SGCZ: variants seen among roughly 807,000 people sequenced by gnomAD.
The protein encoded by SGCZ is sarcoglycan zeta.
Under a neutral mutation model 41.3 loss-of-function variants are expected in SGCZ, and 40 were observed. That is an observed-to-expected ratio of 0.97 (90% CI 0.75 to 1.26). The LOEUF is 1.26. Ranked by LOEUF, SGCZ falls within the 50% of genes most tolerant of loss-of-function variation. SGCZ has a pLI of 0.00. For missense variants in SGCZ, 552 were observed against 369.8 expected (o/e 1.49, Z -4.04); for synonymous variants, 206 against 137.5 (o/e 1.50, Z -3.49).
intron 1 of SGCZ, among the ~76,000 whole-genome samples, chr8:15,188,591 A>G (rs1484983191): frequency 1.3e-5 from 2 of 152,288 alleles, no homozygotes. Context: ...TACTAAAAAC[A>G]TTTACCAAGT....
At chr8:14,168,217 A>T (rs1804266582) in intron 4 of SGCZ, among the ~76,000 whole-genome samples, 1 of 152,186 alleles carries the variant, frequency 6.6e-6, no homozygotes, top group African/African-American at 2.4e-5. Context: ...TTACCAACTA[A>T]ATTCTATATT....
At chr8:14,395,818 A>T (rs577050585) in intron 2 of SGCZ, among the ~76,000 whole-genome samples, 1 of 152,210 alleles carries the variant, frequency 6.6e-6, no homozygotes, top group South Asian at 2.1e-4. Context: ...GTTATCTGGC[A>T]CATAATGCCT....
intron 1 of SGCZ, among the ~76,000 whole-genome samples, chr8:15,157,747 T>C (rs115945956): frequency 0.012 from 1,883 of 152,280 alleles, 33 homozygotes; most frequent in African/African-American, 0.041. Context: ...TACTAGATCA[T>C]TGTGGACCTA....
intron 1 of SGCZ, among the ~76,000 whole-genome samples, chr8:14,737,578 T>C (rs1229859347): frequency 6.6e-6 from 1 of 152,110 alleles, no homozygotes; most frequent in Non-Finnish European, 1.5e-5. Context: ...TATTTTCTCA[T>C]AATTCTAGAG....
intron 1 of SGCZ, among the ~76,000 whole-genome samples, chr8:15,185,952 C>A (rs1328899355): frequency 2.0e-5 from 3 of 151,144 alleles, no homozygotes; most frequent in East Asian, 3.9e-4. Context: ...CGGCTGGGCG[C>A]GGTGGCTCAC....
intron 1 of SGCZ, among the ~76,000 whole-genome samples, chr8:14,987,949 C>T (rs1356414207): frequency 6.6e-6 from 1 of 151,868 alleles, no homozygotes; most frequent in Non-Finnish European, 1.5e-5. Context: ...TCAAGTAATT[C>T]ACAAGTAAAA....
chr8:15,114,451 C>T (rs1227639553), intron 1 of SGCZ, among the ~76,000 whole-genome samples: 1 of 152,156 alleles, frequency 6.6e-6, no homozygotes, highest in African/African-American at 2.4e-5. Flanking sequence ...AAGGCATTCT[C>T]TCTTTACAAA....
rs566079490 is a variant in SGCZ at position 14,466,256 on chromosome 8, C to T, written c.234+88476G>A. Among the ~76,000 whole-genome samples the T allele has an allele frequency of 3.9e-5, 6 of 151,984 alleles. No homozygotes were observed. In the South Asian group the frequency reaches 1.2e-3, roughly 32 times the overall value. ...TGTTGGATAAAGGATTCTTGGTTGC[C>T]AGTTTTTTTGTTTGTTTGCTACTTT... On this transcript the variant is annotated intron_variant, in intron 2 of 7. Transcript: ENST00000382080.
At chr8:15,137,334 C>T (rs1212771556) in intron 1 of SGCZ, among the ~76,000 whole-genome samples, 2 of 152,078 alleles carry the variant, frequency 1.3e-5, no homozygotes, top group Non-Finnish European at 2.9e-5. Context: ...CCTGACAATG[C>T]AATAAAAAAG....
At chr8:15,211,026 TACATATATAGATATAG>T (rs1397022668) in intron 1 of SGCZ, among the ~76,000 whole-genome samples, 2 of 102,772 alleles carry the variant, frequency 1.9e-5, no homozygotes, top group Non-Finnish European at 4.3e-5. Context: ...TATAGATATA[TACATATATAGATATAG>T]ATATAGATAG....
intron 1 of SGCZ, among the ~76,000 whole-genome samples, chr8:14,710,988 C>A (rs187487307): frequency 9.8e-5 from 15 of 152,286 alleles, no homozygotes; most frequent in African/African-American, 3.6e-4. Context: ...GATATCTTCA[C>A]TAGCATTGTT....
intron 1 of SGCZ, among the ~76,000 whole-genome samples, chr8:15,042,306 T>G (rs1286338455): frequency 6.6e-6 from 1 of 152,140 alleles, no homozygotes; most frequent in African/African-American, 2.4e-5. Context: ...CTGATGCCTC[T>G]CTTCTGGGCT....
chr8:14,365,162 CT>C (rs1659421780), intron 2 of SGCZ, among the ~76,000 whole-genome samples: 3 of 151,886 alleles, frequency 2.0e-5, no homozygotes, highest in Admixed American at 1.3e-4. Context: ...GGGTACATCC[CT>C]TTTTGATTTT....
chr8:14,280,536 C>T (rs925856840), intron 3 of SGCZ, among the ~76,000 whole-genome samples: 2 of 151,734 alleles, frequency 1.3e-5, no homozygotes, highest in African/African-American at 2.4e-5. Context: ...GAAGATATTA[C>T]TTTGACTTTG....
intron 1 of SGCZ, among the ~76,000 whole-genome samples, chr8:15,066,122 C>A (rs1312206898): frequency 6.6e-6 from 1 of 151,746 alleles, no homozygotes; most frequent in Admixed American, 6.6e-5. Flanking sequence ...TCCTGGCTAA[C>A]AAGGTGAAAC....
At chr8:14,756,161 T>C (rs1473362839) in intron 1 of SGCZ, among the ~76,000 whole-genome samples, 3 of 151,358 alleles carry the variant, frequency 2.0e-5, no homozygotes, top group African/African-American at 7.3e-5. Flanking sequence ...AGGACTCAAT[T>C]AGGAATATTT....
rs572737643 is a variant in SGCZ, at chr8:14,194,723, G to C, written c.425-30021C>G. Among the ~76,000 whole-genome samples the C allele has an allele frequency of 2.0e-5, 3 of 151,976 alleles. No individual in the cohort carries two copies. In the South Asian group the frequency reaches 6.2e-4, roughly 32 times the overall value. On this transcript the variant is annotated intron_variant, in intron 4 of 7. Transcript: ENST00000382080. ...AAGACATTGAACATCAGTAAATGCA[G>C]CACAATAATACAAAAGAGGCAGAAA... is the stretch of plus-strand genomic sequence containing the variant.
intron 1 of SGCZ, among the ~76,000 whole-genome samples, chr8:14,862,614 A>G (rs1275394643): frequency 6.8e-6 from 1 of 146,032 alleles, no homozygotes; most frequent in Non-Finnish European, 1.5e-5. Context: ...CATTTTATAT[A>G]TATATATGTG....
At chr8:14,471,812 A>G (rs1801220491) in intron 2 of SGCZ, among the ~76,000 whole-genome samples, 2 of 152,104 alleles carry the variant, frequency 1.3e-5, no homozygotes, top group South Asian at 2.1e-4. Flanking sequence ...AATAATTGCT[A>G]TTATGACGAT....
Sources: allele counts gnomAD v4.1 joint callset (sites outside exome capture counted in the v4.1 genomes callset), GRCh38; gene constraint gnomAD v4.1.1; transcripts MANE v1.5; gene names NCBI Gene and HGNC (gene_info 2026-07-23, HGNC 2026-07-21).